Variants in GRIA1 observed in about 807,000 individuals in gnomAD.
The protein encoded by GRIA1 is glutamate ionotropic receptor AMPA type subunit 1.
GRIA1 carries 31 observed loss-of-function variants against 99.2 expected under a neutral mutation model. That is an observed-to-expected ratio of 0.31 (90% confidence interval 0.23 to 0.42). The LOEUF is 0.42. GRIA1 is among the 10% of genes least tolerant of loss of function. The pLI, the probability that GRIA1 is intolerant of heterozygous loss-of-function variation, is 1.00. For missense variants in GRIA1, 782 were observed against 1,157.5 expected, an observed-to-expected ratio of 0.68 and a Z score of 4.71; for synonymous variants, 438 against 432.4, an observed-to-expected ratio of 1.01 and a Z score of -0.16.
rs188285314 is a variant in GRIA1, at chr5:153,772,265, T to G, written c.2270+1850T>G. On this transcript the variant is annotated intron_variant, in intron 13 of 15. Coordinates refer to ENST00000285900, the MANE Select transcript of GRIA1 (RefSeq NM_000827.4). ...GGAAGACAGGTCCAAAGATGTTTTTTTCAAGCTGCAGTTTGACAGATTAAT... is the reference window on the plus strand; with the variant it reads ...GGAAGACAGGTCCAAAGATGTTTTTGTCAAGCTGCAGTTTGACAGATTAAT... 2.6e-5 allele frequency among the ~76,000 whole-genome samples: 4 copies of G among 152,174 alleles called. 1 individual carries two copies. In the East Asian group the frequency reaches 7.7e-4, roughly 29 times the overall value.
intron 14 of GRIA1, among the ~76,000 whole-genome samples, chr5:153,797,912 G>T (rs370752080): frequency 6.6e-6 from 1 of 152,136 alleles, no homozygotes; most frequent in Non-Finnish European, 1.5e-5. Context: ...CAATTAACAC[G>T]AGCTCCTTTT....
At chr5:153,633,120 G>C (rs960042909) in intron 2 of GRIA1, among the ~76,000 whole-genome samples, 1 of 152,190 alleles carries the variant, frequency 6.6e-6, no homozygotes, top group Non-Finnish European at 1.5e-5. Context: ...GGGCAGGGAG[G>C]CTCCTGCTCA....
chr5:153,793,855 C>T (rs963854756), intron 13 of GRIA1, among the ~76,000 whole-genome samples: 2 of 152,196 alleles, frequency 1.3e-5, no homozygotes, highest in African/African-American at 4.8e-5. Context: ...CATGGTGATT[C>T]CAACTAAAAG....
At chr5:153,723,906 T>C (rs997981311) in intron 11 of GRIA1, among the ~76,000 whole-genome samples, 2 of 152,202 alleles carry the variant, frequency 1.3e-5, no homozygotes, top group Non-Finnish European at 2.9e-5. Flanking sequence ...TCTCCCATCA[T>C]GCAGCTGGAG....
intron 2 of GRIA1, among the ~76,000 whole-genome samples, chr5:153,574,913 A>G (rs1013841923): frequency 6.6e-6 from 1 of 152,130 alleles, no homozygotes; most frequent in Non-Finnish European, 1.5e-5. Flanking sequence ...TTGACAAACT[A>G]TGAGATTTCT....
At chr5:153,612,187 G>A (rs1315941665) in intron 2 of GRIA1, among the ~76,000 whole-genome samples, 1 of 152,200 alleles carries the variant, frequency 6.6e-6, no homozygotes, top group Non-Finnish European at 1.5e-5. Flanking sequence ...TCCCAGAACA[G>A]GTTCTGATAG....
At chr5:153,659,823 T>G (rs2963940) in intron 5 of GRIA1, among the ~76,000 whole-genome samples, 61,730 of 151,962 alleles carry the variant, frequency 0.41, 13,250 homozygotes, top group Non-Finnish European at 0.45. Flanking sequence ...TTTACACAGG[T>G]TTCAGCAGAC....
chr5:153,666,879 A>T (rs1755784011), intron 5 of GRIA1, among the ~76,000 whole-genome samples: 1 of 152,108 alleles, frequency 6.6e-6, no homozygotes, highest in Admixed American at 6.6e-5. Context: ...TGCGTTCCAG[A>T]GCCTCAGAGA....
chr5:153,764,727 A>G, intron 12 of GRIA1, 95 bp downstream of exon 12: 1 of 856,968 alleles, frequency 1.2e-6, no homozygotes. Flanking sequence ...GATAACAGGC[A>G]GCCAGAGCAA....
chr5:153,527,410 T>C (rs1161066198), intron 2 of GRIA1, among the ~76,000 whole-genome samples: 1 of 152,198 alleles, frequency 6.6e-6, no homozygotes, highest in East Asian at 1.9e-4. Context: ...TTTAAGGAGA[T>C]GCATATTGGA....
rs1367093064 is a variant in GRIA1, at chr5:153,811,254, C to T, written c.*29C>T. The T allele has an allele frequency of 3.2e-6, 5 of 1,564,748 alleles. No homozygotes were observed. Among genetic ancestry groups the T allele is most frequent in the Non-Finnish European group, 4.4e-6 (5 of 1,135,844 alleles). Reference sequence around the variant, plus strand: ...GAGCAGATGGAGACCCCTTGGGGAGCAGGCTCGGGCTCCCCAGCCCCATCC... The same window carrying T: ...GAGCAGATGGAGACCCCTTGGGGAGTAGGCTCGGGCTCCCCAGCCCCATCC... On this transcript the variant is annotated 3_prime_UTR_variant, in exon 16 of 16. Transcript: ENST00000285900.
intron 2 of GRIA1, among the ~76,000 whole-genome samples, chr5:153,565,342 A>G (rs1236114621): frequency 6.6e-6 from 1 of 152,226 alleles, no homozygotes. Context: ...ACACTAAACA[A>G]AGAAAAGTGC....
At chr5:153,603,974 A>C (rs1307710823) in intron 2 of GRIA1, among the ~76,000 whole-genome samples, 1 of 152,220 alleles carries the variant, frequency 6.6e-6, no homozygotes, top group African/African-American at 2.4e-5. Context: ...TGTATTTTAC[A>C]TACCTATATA....
intron 2 of GRIA1, among the ~76,000 whole-genome samples, chr5:153,592,122 G>T (rs574743210): frequency 2.2e-4 from 34 of 152,318 alleles, no homozygotes; most frequent in African/African-American, 7.9e-4. Context: ...GTATGGCCAT[G>T]AAACTAAGGG....
chr5:153,757,164 T>C (rs561597192), intron 11 of GRIA1, among the ~76,000 whole-genome samples: 1 of 151,954 alleles, frequency 6.6e-6, no homozygotes, highest in African/African-American at 2.4e-5. Flanking sequence ...TTAAATGCAA[T>C]AGAAAGCATA....
At chr5:153,647,311 A>C in intron 3 of GRIA1, 144 bp downstream of exon 3, 7 of 1,011,664 alleles carry the variant, frequency 6.9e-6, no homozygotes, top group Non-Finnish European at 1.0e-5. Flanking sequence ...TGACTGATTT[A>C]TCAGTAGCTG....
intron 2 of GRIA1, among the ~76,000 whole-genome samples, chr5:153,539,532 G>A (rs1404537611): frequency 6.6e-6 from 1 of 152,190 alleles, no homozygotes; most frequent in African/African-American, 2.4e-5. Flanking sequence ...TCTTTACTGA[G>A]CAATTAAATT....
chr5:153,491,149 G>A lies in GRIA1; in HGVS notation c.82+179G>A, dbSNP rs1753876570. 1.2e-5 allele frequency: 12 copies of A among 975,460 alleles called. No homozygotes were observed. The East Asian group carries it at 2.9e-4, about 23-fold the overall frequency. 60.4% of individuals were successfully genotyped at this position (975,460 alleles called of 1,614,324 possible). ...CCAGAGGAGGGGGCTTCTCCTGATC[G>A]GATGAGGGGCAGAGGGGAAGTGTTC... On this transcript the variant is annotated intron_variant, in intron 1 of 15. Coordinates refer to ENST00000285900, the MANE Select transcript of GRIA1 (RefSeq NM_000827.4).
intron 10 of GRIA1, among the ~76,000 whole-genome samples, chr5:153,701,482 T>C (rs989152404): frequency 1.3e-5 from 2 of 151,646 alleles, no homozygotes; most frequent in African/African-American, 4.8e-5. Flanking sequence ...GGCATGGTAG[T>C]GGGCGCCTGT....
Sources: allele counts gnomAD v4.1 joint callset (sites outside exome capture counted in the v4.1 genomes callset), GRCh38; gene constraint gnomAD v4.1.1; transcripts MANE v1.5; gene names NCBI Gene and HGNC (gene_info 2026-07-23, HGNC 2026-07-21).